Variants in PACRG observed in about 807,000 individuals in gnomAD.
The protein encoded by PACRG is parkin coregulated, also known as parkin coregulated gene protein.
A neutral mutation model predicts 29.7 loss-of-function variants in PACRG; 29 were observed. That is an observed-to-expected ratio of 0.98 (90% CI 0.73 to 1.33). The LOEUF is 1.33. PACRG is among the 40% of genes most tolerant of loss of function. The pLI is 0.00. For synonymous variants in PACRG, 116 were observed against 118.7 expected (o/e 0.98, Z 0.15); for missense variants, 279 against 316.2 (o/e 0.88, Z 0.89).
intron 4 of PACRG, among the ~76,000 whole-genome samples, chr6:163,260,294 G>A (rs1783275111): frequency 6.6e-6 from 1 of 152,210 alleles, no homozygotes; most frequent in Non-Finnish European, 1.5e-5. Flanking sequence ...TTCATTTCCT[G>A]CGAGGGGAGC....
chr6:162,947,354 T>TAATC, intron 2 of PACRG, among the ~76,000 whole-genome samples: 1 of 47,108 alleles, frequency 2.1e-5, no homozygotes, highest in Non-Finnish European at 4.4e-5. Flanking sequence ...TGATTACATA[T>TAATC]ATATAATGTA....
intron 2 of PACRG, among the ~76,000 whole-genome samples, chr6:162,962,375 T>G (rs935322269): frequency 6.6e-6 from 1 of 152,210 alleles, no homozygotes; most frequent in African/African-American, 2.4e-5. Context: ...AGTTGTTGAC[T>G]CCACTGTTTC....
At chr6:162,944,060 C>G (rs556578473) in intron 2 of PACRG, among the ~76,000 whole-genome samples, 79 of 152,236 alleles carry the variant, frequency 5.2e-4, no homozygotes, top group South Asian at 3.1e-3. Context: ...CATAGCCTAC[C>G]CTGAGGCTGA....
chr6:162,828,124 C>T (rs1166673760), intron 2 of PACRG, among the ~76,000 whole-genome samples: 2 of 152,100 alleles, frequency 1.3e-5, no homozygotes, highest in Admixed American at 1.3e-4. Flanking sequence ...TTGTTGAATA[C>T]AGTAGCAATT....
chr6:162,846,470 CT>C (rs1270319047), intron 2 of PACRG, among the ~76,000 whole-genome samples: 1 of 152,172 alleles, frequency 6.6e-6, no homozygotes, highest in East Asian at 1.9e-4. Context: ...CAGAATCTTC[CT>C]TGACAACATT....
intron 2 of PACRG, among the ~76,000 whole-genome samples, chr6:162,954,881 T>G (rs1274849239): frequency 6.6e-6 from 1 of 152,230 alleles, no homozygotes; most frequent in Non-Finnish European, 1.5e-5. Context: ...GGTTTTACCT[T>G]TTTATAAATT....
At chr6:162,781,027 G>A (rs1418111195) in intron 1 of PACRG, among the ~76,000 whole-genome samples, 1 of 151,910 alleles carries the variant, frequency 6.6e-6, no homozygotes, top group Non-Finnish European at 1.5e-5. Context: ...TGAACCCACA[G>A]ATCTAAGAAG....
At chr6:163,198,673 T>C (rs990215773) in intron 4 of PACRG, among the ~76,000 whole-genome samples, 4 of 152,100 alleles carry the variant, frequency 2.6e-5, no homozygotes, top group African/African-American at 9.7e-5. Flanking sequence ...GCCCCGGTGT[T>C]TGATAATAAT....
At chr6:163,188,604 G>A (rs1780061892) in intron 4 of PACRG, among the ~76,000 whole-genome samples, 1 of 152,210 alleles carries the variant, frequency 6.6e-6, no homozygotes, top group Non-Finnish European at 1.5e-5. Flanking sequence ...GCCTAGAAAG[G>A]TGAAGACTCT....
intron 2 of PACRG, among the ~76,000 whole-genome samples, chr6:162,995,461 C>T (rs928853706): frequency 2.6e-5 from 4 of 152,142 alleles, no homozygotes; most frequent in Non-Finnish European, 4.4e-5. Flanking sequence ...TTTTTTAAGC[C>T]GGTCTGAAAA....
At chr6:163,005,956 A>C (rs28773486) in intron 2 of PACRG, among the ~76,000 whole-genome samples, 1 of 141,368 alleles carries the variant, frequency 7.1e-6, no homozygotes, top group Non-Finnish European at 1.5e-5. Context: ...TATACATGTT[A>C]TGTGTATAAC....
In PACRG at chr6:163,300,343, G is replaced by A. The variant is rs189805785; in HGVS notation, c.614-14484G>A. Among the ~76,000 whole-genome samples the A allele has an allele frequency of 2.1e-3, 318 of 152,356 alleles. 1 individual carries two copies. Among genetic ancestry groups the A allele is most frequent in the African/African-American group, 7.1e-3 (294 of 41,584 alleles). ...ATCCCAAAGGGCCTAGGACCATGGCGCTGAAGAGTCTGGAAGAGGACGGAG... is the reference window on the plus strand; with the variant it reads ...ATCCCAAAGGGCCTAGGACCATGGCACTGAAGAGTCTGGAAGAGGACGGAG... On this transcript the variant is annotated intron_variant, in intron 4 of 4. Transcript: ENST00000366888.
chr6:162,960,764 T>C (rs1244642508), intron 2 of PACRG, among the ~76,000 whole-genome samples: 4 of 152,180 alleles, frequency 2.6e-5, no homozygotes, highest in Non-Finnish European at 5.9e-5. Context: ...TTGGCTAACA[T>C]AATTTAAAAG....
At chr6:163,133,593 C>T (rs887502252) in intron 4 of PACRG, among the ~76,000 whole-genome samples, 2 of 152,160 alleles carry the variant, frequency 1.3e-5, no homozygotes, top group Admixed American at 1.3e-4. Context: ...TCTCTTTCTG[C>T]CTGTCCACGG....
Position 162,802,070 on chromosome 6 carries a change from T to G in PACRG, c.157-12077T>G, listed in dbSNP as rs78204928. ...AATGCCTTCAGATCGAAGAGGTTTA[T>G]CTTCTGAGTTTGCAGAATTCTATAT... On this transcript the variant is annotated intron_variant, in intron 1 of 4. Transcript: ENST00000366888. 4.6e-3 allele frequency among the ~76,000 whole-genome samples: 695 copies of G among 152,292 alleles called. 3 individuals carry two copies. The highest frequency in any genetic ancestry group is 0.015 in the African/African-American group (632 of 41,588).
intron 2 of PACRG, among the ~76,000 whole-genome samples, chr6:162,979,055 G>A (rs943601545): frequency 1.3e-5 from 2 of 152,040 alleles, no homozygotes; most frequent in African/African-American, 2.4e-5. Context: ...ACATATATTC[G>A]TTATATAGGT....
chr6:163,140,922 C>T (rs114881616), intron 4 of PACRG, among the ~76,000 whole-genome samples: 1,602 of 152,220 alleles, frequency 0.011, 27 homozygotes, highest in African/African-American at 0.037. Flanking sequence ...TGGAGGTTAA[C>T]GGCATCATGA....
intron 4 of PACRG, among the ~76,000 whole-genome samples, chr6:163,120,851 T>C (rs1219158910): frequency 6.6e-6 from 1 of 152,124 alleles, no homozygotes; most frequent in Admixed American, 6.5e-5. Context: ...ACCCAGGCCC[T>C]CCCATGCCTG....
At chr6:163,252,074 G>T (rs952311387) in intron 4 of PACRG, among the ~76,000 whole-genome samples, 1 of 152,206 alleles carries the variant, frequency 6.6e-6, no homozygotes, top group African/African-American at 2.4e-5. Context: ...GATCAGTGTT[G>T]CCTTTTGTGT....
Sources: gnomAD v4.1 joint callset for allele counts (sites outside exome capture counted in the v4.1 genomes callset) on GRCh38, gnomAD v4.1.1 for gene constraint, MANE v1.5 for transcripts, NCBI Gene and HGNC (gene_info 2026-07-23, HGNC 2026-07-21) for gene names.